The following VPS13C variants were observed in gnomAD, a reference collection of about 807,000 sequenced individuals.
VPS13C encodes intermembrane lipid transfer protein VPS13C.
VPS13C carries 358 observed loss-of-function variants against 456.8 expected under a neutral mutation model. That is an observed-to-expected ratio of 0.78 (90% CI 0.72 to 0.86). The LOEUF (loss-of-function observed/expected upper bound fraction) is 0.86. Ranked by LOEUF, VPS13C falls within the 40% of genes least tolerant of loss-of-function variation. The pLI is 0.00. For missense variants in VPS13C, 4,818 were observed against 4,385.4 expected (o/e 1.10, Z -2.79); for synonymous variants, 1,578 against 1,486.7 (o/e 1.06, Z -1.41).
At chr15:62,017,937 T>C (rs981059802) in intron 9 of VPS13C, among the ~76,000 whole-genome samples, 1 of 152,192 alleles carries the variant, frequency 6.6e-6, no homozygotes, top group African/African-American at 2.4e-5. Context: ...GTTCTTCCAT[T>C]TGTTTGTGTC....
chr15:61,936,724 TGTCAA>T lies in VPS13C; in HGVS notation c.5623_5627del (p.Leu1875SerfsTer33). The T allele has an allele frequency of 6.2e-7, 1 of 1,612,964 alleles. No individual in the cohort carries two copies. Among genetic ancestry groups the T allele is most frequent in the South Asian group, 1.1e-5 (1 of 90,764 alleles). ...TTTCTAGCAAAATTTTCATTAAAAC[TGTCAA>T]GTCATCTTCACTGAGAGCAACCTAG... On this transcript the variant is annotated frameshift_variant, in exon 48 of 85. Coordinates refer to ENST00000644861, the MANE Select transcript of VPS13C (RefSeq NM_020821.3). LOFTEE classifies it high-confidence loss of function.
intron 69 of VPS13C, among the ~76,000 whole-genome samples, chr15:61,882,343 AG>A (rs1302081122): frequency 2.0e-5 from 3 of 152,162 alleles, no homozygotes; most frequent in Non-Finnish European, 4.4e-5. Flanking sequence ...ACAAATTCAA[AG>A]GAACATTTAA....
chr15:61,985,081 G>A (rs920252508), intron 18 of VPS13C, 82 bp from the exon 19 acceptor site: 37 of 1,134,242 alleles, frequency 3.3e-5, no homozygotes, highest in Non-Finnish European at 4.2e-5. Context: ...TAAATTTGCT[G>A]AATTATAAAG....
chr15:61,964,832 C>A lies in VPS13C; in HGVS notation c.3081G>T (p.Leu1027=). The stretch of plus-strand genomic sequence containing the variant: ...TAGAAGCGACAAGAGCTTGTGTTTG[C>A]AGCAACAGATTTAAAGATGAAAAGG... ...KVAFSSLNLL[L]QTQALVASIN... is the part of the protein sequence containing the mutation. The change falls in exon 31 of 85, where the codon CTG becomes CTT. Residue 1027 remains leucine, a synonymous_variant. Transcript: ENST00000644861. 6.3e-7 allele frequency: 1 copy of A among 1,598,604 alleles called. No individual in the cohort carries two copies.
At chr15:61,908,428 T>A (rs2043208542) in intron 65 of VPS13C, among the ~76,000 whole-genome samples, 1 of 151,906 alleles carries the variant, frequency 6.6e-6, no homozygotes, top group Non-Finnish European at 1.5e-5. Context: ...TCTCTACCAT[T>A]AAATAATGAC....
In VPS13C at chr15:61,853,219, ATTC is replaced by A. The variant is rs1019185700; in HGVS notation, c.*1235_*1237del. On this transcript the variant is annotated 3_prime_UTR_variant, in exon 85 of 85. Transcript: ENST00000644861. ...TATATAAAACAACCAAAGAATTTTC[ATTC>A]TTCTTAGTAAGTATTTAAAATACAT... 3 of 152,180 alleles carry A rather than the reference ATTC, an allele frequency of 2.0e-5. No homozygotes were observed. Among genetic ancestry groups the A allele is most frequent in the African/African-American group, 4.8e-5 (2 of 41,448 alleles). 9.4% of individuals were successfully genotyped at this position (152,180 alleles called of 1,614,324 possible).
At chr15:62,052,040 A>C (rs2048637092) in intron 1 of VPS13C, among the ~76,000 whole-genome samples, 1 of 152,196 alleles carries the variant, frequency 6.6e-6, no homozygotes, top group Admixed American at 6.5e-5. Flanking sequence ...AGTACTAAGA[A>C]TAGAATCTAT....
In VPS13C at chr15:62,000,587, C is replaced by A. The variant is rs371007037; in HGVS notation, c.1330G>T (p.Ala444Ser). The stretch of plus-strand genomic sequence containing the variant: ...ACCTCAACTTGTGCTTGTTGCCTTG[C>A]TAAAATTATGTTAAAAACATCTAGA... ...KTLDVFNIILARQQAQVEVIR... is the reference protein window; with the variant it reads ...KTLDVFNIILSRQQAQVEVIR... The change falls in exon 16 of 85, where the codon GCA becomes TCA. Residue 444 changes from alanine (A) to serine (S), a missense_variant. Ala to Ser is a moderately conservative substitution (Grantham distance 99). Around this residue, in one of 3 missense-constraint regions of VPS13C, gnomAD observed 4,552 missense variants for 4,130.6 expected, o/e 1.10. Coordinates refer to ENST00000644861, the MANE Select transcript of VPS13C (RefSeq NM_020821.3). 5.6e-6 allele frequency: 9 copies of A among 1,607,652 alleles called. No homozygotes were observed. The highest frequency in any genetic ancestry group is 7.6e-6 in the Non-Finnish European group (9 of 1,177,926).
At position 61,920,517 on chromosome 15, in the gene VPS13C, A is replaced by ACAG; in HGVS notation, c.7192_7193insCTG (p.Asn2397_Val2398insAla). 1 of 1,538,150 alleles carries ACAG rather than the reference A, an allele frequency of 6.5e-7. No homozygotes were observed. Among genetic ancestry groups the ACAG allele is most frequent in the Non-Finnish European group, 8.7e-7 (1 of 1,144,362 alleles). On this transcript the variant is annotated inframe_insertion, in exon 56 of 85. Transcript: ENST00000644861. Reference sequence around the variant, plus strand: ...ACATACTTTTGCTAAATTGTTGAAAACATTAAGACAACTTTTGGATATTGT... The same window carrying ACAG: ...ACATACTTTTGCTAAATTGTTGAAAACAGCATTAAGACAACTTTTGGATATTGT...
chr15:61,958,050 T>A (rs949012116), intron 37 of VPS13C, among the ~76,000 whole-genome samples: 2 of 151,246 alleles, frequency 1.3e-5, no homozygotes, highest in East Asian at 3.9e-4. Context: ...ATACAACATT[T>A]TATATATATA....
chr15:61,920,493 C>A lies in VPS13C; in HGVS notation c.7212+5G>T. ...TGAAATATTCTAAGCAAGATTCAGA[C>A]ATACTTTTGCTAAATTGTTGAAAAC... On this transcript the variant is annotated splice_donor_5th_base_variant and intron_variant, in intron 56 of 84. Coordinates refer to ENST00000644861, the MANE Select transcript of VPS13C (RefSeq NM_020821.3). 6.6e-7 allele frequency: 1 copy of A among 1,520,656 alleles called. No individual in the cohort carries two copies. The highest frequency in any genetic ancestry group is 8.8e-7 in the Non-Finnish European group (1 of 1,134,884). The allele number at this position is 1,520,656 out of a possible 1,614,324, so 94.2% of individuals were successfully genotyped here.
chr15:62,055,422 T>C (rs1411256121), intron 1 of VPS13C, among the ~76,000 whole-genome samples: 2 of 150,338 alleles, frequency 1.3e-5, no homozygotes, highest in Admixed American at 6.6e-5. Flanking sequence ...TTTTTTTTTT[T>C]AGTGGAGACG....
intron 38 of VPS13C, among the ~76,000 whole-genome samples, chr15:61,953,569 C>G (rs1276776176): frequency 6.6e-6 from 1 of 151,914 alleles, no homozygotes; most frequent in Non-Finnish European, 1.5e-5. Context: ...GACATGAACT[C>G]ATCATTTTTT....
intron 79 of VPS13C, 44 bp from the exon 80 acceptor site, chr15:61,869,667 A>G (rs757991656): frequency 2.1e-5 from 34 of 1,610,686 alleles, no homozygotes; most frequent in Non-Finnish European, 2.5e-5. Context: ...ATATTTTTAA[A>G]TGAGCAAGTT....
intron 1 of VPS13C, among the ~76,000 whole-genome samples, chr15:62,056,509 T>G (rs907431466): frequency 6.6e-6 from 1 of 152,086 alleles, no homozygotes; most frequent in Non-Finnish European, 1.5e-5. Flanking sequence ...GAGCGGAAGG[T>G]GGTCTAGCGG....
intron 66 of VPS13C, among the ~76,000 whole-genome samples, chr15:61,893,778 C>T (rs953163099): frequency 4.0e-5 from 6 of 151,846 alleles, no homozygotes; most frequent in Admixed American, 2.0e-4. Context: ...TTAGTTTTTC[C>T]TTTTTGGTTT....
chr15:61,864,179 T>C (rs1421259408), intron 81 of VPS13C: 1 of 362,914 alleles, frequency 2.8e-6, no homozygotes, highest in African/African-American at 2.2e-5. Flanking sequence ...TATTTATATA[T>C]CAAATTATAT....
rs141449528 is a variant in VPS13C, at chr15:61,897,721, G to A, written c.9106-7321C>T. On this transcript the variant is annotated intron_variant, in intron 66 of 84. Coordinates refer to ENST00000644861, the MANE Select transcript of VPS13C (RefSeq NM_020821.3). The stretch of plus-strand genomic sequence containing the variant: ...GAACTTCCCCAATCTAGTAAGACAG[G>A]CCAACGTTCAGATACAGGAAATACA... 3.5e-3 allele frequency among the ~76,000 whole-genome samples: 527 copies of A among 152,164 alleles called. 3 individuals are homozygous for A. The highest frequency in any genetic ancestry group is 0.018 in the East Asian group (94 of 5,170).
chr15:62,021,042 A>C (rs1441438566), intron 8 of VPS13C, among the ~76,000 whole-genome samples: 3 of 151,952 alleles, frequency 2.0e-5, no homozygotes, highest in African/African-American at 7.2e-5. Flanking sequence ...ACAACCCAGA[A>C]GCAGAAAAAC....
Sources: allele counts gnomAD v4.1 joint callset (sites outside exome capture counted in the v4.1 genomes callset), GRCh38; gene constraint gnomAD v4.1.1; regional missense constraint gnomAD v4.1.1; transcripts MANE v1.5; gene names NCBI Gene and HGNC (gene_info 2026-07-23, HGNC 2026-07-21).